Variants in FOXP1 observed in about 807,000 individuals in gnomAD.
FOXP1 encodes forkhead box protein P1.
In FOXP1, 15 loss-of-function variants were observed where a neutral mutation model predicts 98.2. The observed-to-expected ratio is 0.15, with a 90% CI of 0.10 to 0.24. The LOEUF is 0.24. Among genes scored for constraint, FOXP1 ranks in the 10% least tolerant of loss-of-function variants. The probability of loss-of-function intolerance (pLI) is 1.00; values close to 1 mark genes in which losing one functional copy is unlikely to be tolerated. For missense variants in FOXP1, 633 were observed against 848.5 expected (o/e 0.75, Z 3.15); for synonymous variants, 371 against 314.5 (o/e 1.18, Z -1.90).
At chr3:71,479,551 C>T (rs944930914) in intron 3 of FOXP1, among the ~76,000 whole-genome samples, 7 of 151,590 alleles carry the variant, frequency 4.6e-5, no homozygotes, top group African/African-American at 1.2e-4. Flanking sequence ...TGGTGGCGGA[C>T]GCCTGTAATC....
intron 3 of FOXP1, among the ~76,000 whole-genome samples, chr3:71,433,148 T>C (rs2084891182): frequency 6.6e-6 from 1 of 152,230 alleles, no homozygotes; most frequent in Non-Finnish European, 1.5e-5. Context: ...CATGTTCTTA[T>C]ATGTAACTCA....
chr3:71,451,365 A>G (rs189919659), intron 3 of FOXP1, among the ~76,000 whole-genome samples: 1 of 152,316 alleles, frequency 6.6e-6, no homozygotes, highest in East Asian at 1.9e-4. Flanking sequence ...ATGCAACTCA[A>G]ATGTGCTCAA....
chr3:71,158,112 G>GAA (rs2060926624), intron 6 of FOXP1, among the ~76,000 whole-genome samples: 7 of 30,450 alleles, frequency 2.3e-4, no homozygotes, highest in African/African-American at 5.2e-4. Flanking sequence ...AGGAAGGGAG[G>GAA]GAGGGAGGGA....
At chr3:71,283,064 A>G (rs1351419206) in intron 5 of FOXP1, among the ~76,000 whole-genome samples, 3 of 152,228 alleles carry the variant, frequency 2.0e-5, no homozygotes, top group Non-Finnish European at 4.4e-5. Flanking sequence ...AAAGCAGAGC[A>G]TGGTCCAGGC....
At chr3:71,044,834 A>C (rs1276677113) in intron 10 of FOXP1, among the ~76,000 whole-genome samples, 1 of 152,220 alleles carries the variant, frequency 6.6e-6, no homozygotes, top group Admixed American at 6.5e-5. Flanking sequence ...TCACTGGCTC[A>C]AAGACAAACA....
intron 7 of FOXP1, among the ~76,000 whole-genome samples, chr3:71,108,635 G>A (rs539906471): frequency 6.6e-6 from 1 of 152,182 alleles, no homozygotes; most frequent in Admixed American, 6.5e-5. Context: ...GCGTGGTGGT[G>A]CATGCCTGTA....
chr3:71,395,906 ATATAT>A (rs1459772687), intron 3 of FOXP1, among the ~76,000 whole-genome samples: 3 of 152,224 alleles, frequency 2.0e-5, no homozygotes, highest in Admixed American at 2.0e-4. Flanking sequence ...CTATATTAAA[ATATAT>A]TATAAATGCT....
At chr3:71,216,014 C>A (rs1340874085) in intron 5 of FOXP1, among the ~76,000 whole-genome samples, 1 of 152,206 alleles carries the variant, frequency 6.6e-6, no homozygotes, top group African/African-American at 2.4e-5. Context: ...GCATCCTGCA[C>A]CTTATACTGT....
intron 6 of FOXP1, among the ~76,000 whole-genome samples, chr3:71,158,065 G>A (rs2060911561): frequency 8.6e-6 from 1 of 116,794 alleles, no homozygotes; most frequent in African/African-American, 3.0e-5. Context: ...TCCAGCCTGG[G>A]TGGGAGGGTA....
At chr3:70,972,097 A>ATCATCAACTGTCC (rs1217543279) in intron 18 of FOXP1, 1 of 1,532,224 alleles carries the variant, frequency 6.5e-7, no homozygotes. Context: ...TAAACTCTTC[A>ATCATCAACTGTCC]TCATCAACTG....
intron 2 of FOXP1, chr3:71,541,825 C>A (rs1042360813): frequency 2.4e-6 from 1 of 413,238 alleles, no homozygotes; most frequent in African/African-American, 2.1e-5. Context: ...TCAAAAGACT[C>A]CTGGTTTTAA....
chr3:71,511,118 A>G (rs1023405739), intron 2 of FOXP1, among the ~76,000 whole-genome samples: 2 of 152,194 alleles, frequency 1.3e-5, no homozygotes, highest in African/African-American at 4.8e-5. Flanking sequence ...CAAATAGTGT[A>G]TGTTAAATAA....
intron 6 of FOXP1, chr3:71,130,760 A>G (rs1341254513): frequency 6.9e-7 from 1 of 1,445,500 alleles, no homozygotes; most frequent in South Asian, 1.5e-5. Context: ...CAAAGAAACC[A>G]CAAGAATTCC....
chr3:71,198,541 T>C, intron 5 of FOXP1, 149 bp from the exon 6 acceptor site: 1 of 713,084 alleles, frequency 1.4e-6, no homozygotes, highest in Non-Finnish European at 2.4e-6. Context: ...ACTCAACTTA[T>C]CCCCTCATTA....
intron 3 of FOXP1, among the ~76,000 whole-genome samples, chr3:71,420,233 AGG>A (rs2083529304): frequency 6.6e-6 from 1 of 152,234 alleles, no homozygotes; most frequent in African/African-American, 2.4e-5. Context: ...AGCAATTTAC[AGG>A]AAAAATATTA....
chr3:71,152,455 T>C lies in FOXP1; in HGVS notation c.181-39818A>G, dbSNP rs180763364. Among the ~76,000 whole-genome samples the C allele has an allele frequency of 1.1e-3, 169 of 152,280 alleles. 1 individual carries two copies. The highest frequency in any genetic ancestry group is 3.9e-3 in the African/African-American group (164 of 41,574). ...TTTGTGGTAATTTATTACGCAGCAA[T>C]GGAAAATGAATTCACACACCTGTGA... On this transcript the variant is annotated intron_variant, in intron 6 of 20. Transcript: ENST00000649528.
At chr3:71,090,273 T>A (rs746447395) in intron 7 of FOXP1, among the ~76,000 whole-genome samples, 5 of 152,244 alleles carry the variant, frequency 3.3e-5, no homozygotes, top group East Asian at 1.9e-4. Flanking sequence ...GATATTCCCA[T>A]GTTTTTCAAC....
intron 14 of FOXP1, 87 bp from the exon 15 acceptor site, chr3:70,978,116 T>A (rs930531983): frequency 9.3e-7 from 1 of 1,072,398 alleles, no homozygotes; most frequent in Non-Finnish European, 1.4e-6. Context: ...ACACAGAGGA[T>A]GCGTGGGCAC....
At chr3:71,576,451 A>G (rs1459771655) in intron 2 of FOXP1, among the ~76,000 whole-genome samples, 2 of 152,234 alleles carry the variant, frequency 1.3e-5, no homozygotes, top group Non-Finnish European at 2.9e-5. Context: ...TCGTGATATC[A>G]GTTCCATTTG....
Sources: allele counts gnomAD v4.1 joint callset (sites outside exome capture counted in the v4.1 genomes callset), GRCh38; gene constraint gnomAD v4.1.1; transcripts MANE v1.5; gene names NCBI Gene and HGNC (gene_info 2026-07-23, HGNC 2026-07-21).